PCDH15: variants seen among roughly 807,000 people sequenced by gnomAD.
PCDH15 encodes the protein protocadherin related 15, also known as protocadherin-15.
A neutral mutation model predicts 178.5 loss-of-function variants in PCDH15; 129 were observed. The ratio of observed to expected loss-of-function variants is 0.72; its 90% confidence interval spans 0.63 to 0.84. The LOEUF (loss-of-function observed/expected upper bound fraction) is 0.84. Ranked by LOEUF, PCDH15 falls within the 40% of genes least tolerant of loss-of-function variation. PCDH15 has a pLI of 0.00. For synonymous variants in PCDH15, 800 were observed against 732.0 expected (o/e 1.09, Z -1.50); for missense variants, 2,230 against 2,099.9 (o/e 1.06, Z -1.21).
At chr10:54,910,056 G>T (rs2131833603) in intron 2 of PCDH15, among the ~76,000 whole-genome samples, 1 of 152,286 alleles carries the variant, frequency 6.6e-6, no homozygotes, top group Middle Eastern at 3.4e-3. Context: ...AGGCCTGGGA[G>T]AAGTCCTGCC....
chr10:54,165,284 C>A (rs1295662490), intron 13 of PCDH15, among the ~76,000 whole-genome samples: 5 of 151,880 alleles, frequency 3.3e-5, no homozygotes, highest in Admixed American at 2.6e-4. Context: ...AGGTGGCTGG[C>A]AAATTTATCA....
intron 35 of PCDH15, among the ~76,000 whole-genome samples, chr10:53,814,781 T>G (rs1398347391): frequency 1.3e-5 from 2 of 151,890 alleles, no homozygotes; most frequent in African/African-American, 4.8e-5. Context: ...CTGGCCAATA[T>G]GGTGAAACCC....
chr10:54,601,263 T>C (rs1476507937), intron 2 of PCDH15, among the ~76,000 whole-genome samples: 1 of 151,876 alleles, frequency 6.6e-6, no homozygotes, highest in Non-Finnish European at 1.5e-5. Flanking sequence ...ATGGGAGAAA[T>C]TATTTGCAGA....
intron 2 of PCDH15, among the ~76,000 whole-genome samples, chr10:55,375,669 C>T (rs1394228419): frequency 2.0e-5 from 3 of 152,118 alleles, no homozygotes; most frequent in East Asian, 1.9e-4. Flanking sequence ...ACTGGTTTCC[C>T]CTCCACAGCC....
chr10:54,149,658 G>C (rs764861298), intron 14 of PCDH15, among the ~76,000 whole-genome samples: 83 of 152,256 alleles, frequency 5.5e-4, no homozygotes, highest in Non-Finnish European at 8.4e-4. Flanking sequence ...TTAATGATTT[G>C]CCTTTTACTC....
intron 3 of PCDH15, among the ~76,000 whole-genome samples, chr10:54,834,179 T>C (rs1953273533): frequency 6.6e-6 from 1 of 151,830 alleles, no homozygotes; most frequent in East Asian, 1.9e-4. Context: ...ATATATCTAA[T>C]ATTGTTTTTA....
intron 3 of PCDH15, among the ~76,000 whole-genome samples, chr10:54,860,681 G>T (rs1050549857): frequency 6.6e-6 from 1 of 152,134 alleles, no homozygotes; most frequent in South Asian, 2.1e-4. Context: ...TGGAATGTCT[G>T]GGTCATGTGG....
At chr10:55,540,319 T>C (rs1841729121) in intron 2 of PCDH15, among the ~76,000 whole-genome samples, 1 of 152,074 alleles carries the variant, frequency 6.6e-6, no homozygotes. Flanking sequence ...AGATTGGATT[T>C]TCCACCCCAT....
intron 1 of PCDH15, among the ~76,000 whole-genome samples, chr10:54,731,561 T>TATATATATATATATATATATATAC (rs1566067493): frequency 1.2e-4 from 6 of 48,354 alleles, no homozygotes; most frequent in Middle Eastern, 8.6e-3. Context: ...TATATATATA[T>TATATATATATATATATATATATAC]ATACACACAC....
chr10:55,431,674 A>G (rs1002419037), intron 2 of PCDH15, among the ~76,000 whole-genome samples: 5 of 152,178 alleles, frequency 3.3e-5, no homozygotes, highest in African/African-American at 9.6e-5. Context: ...TGTCCCACTA[A>G]CTAAAACACA....
rs190560526 is a variant in PCDH15 at position 53,838,340 on chromosome 10, T to G, written c.3983+1980A>C. ...TTGCCTGCTGGCTATGATAGTTATT[T>G]TATTGAATTTAGATGTTTACTGTCC... On this transcript the variant is annotated intron_variant, in intron 29 of 37. Transcript: ENST00000644397. Among the ~76,000 whole-genome samples the G allele has an allele frequency of 1.4e-4, 21 of 152,262 alleles. No homozygotes were observed. In the East Asian group the frequency reaches 3.5e-3, roughly 25 times the overall value.
intron 2 of PCDH15, among the ~76,000 whole-genome samples, chr10:55,120,444 G>A (rs1236955598): frequency 2.6e-5 from 4 of 152,094 alleles, no homozygotes; most frequent in African/African-American, 9.7e-5. Flanking sequence ...GGGACTAGAC[G>A]TAGTGATCTA....
At chr10:55,151,801 G>A (rs1054991288) in intron 2 of PCDH15, among the ~76,000 whole-genome samples, 1 of 152,034 alleles carries the variant, frequency 6.6e-6, no homozygotes, top group Admixed American at 6.6e-5. Flanking sequence ...TATAAAGAAT[G>A]AAAAGCCATG....
At chr10:54,581,432 T>C (rs1565657155) in intron 2 of PCDH15, among the ~76,000 whole-genome samples, 1 of 152,042 alleles carries the variant, frequency 6.6e-6, no homozygotes, top group Admixed American at 6.6e-5. Context: ...AAATAATAGA[T>C]GACACACACA....
At chr10:54,351,136 G>A (rs1249864573) in intron 5 of PCDH15, among the ~76,000 whole-genome samples, 3 of 151,870 alleles carry the variant, frequency 2.0e-5, no homozygotes, top group Non-Finnish European at 2.9e-5. Context: ...ATAGATAGTA[G>A]GTGGTTATAT....
intron 26 of PCDH15, among the ~76,000 whole-genome samples, chr10:53,874,967 G>C (rs1358700783): frequency 6.6e-6 from 1 of 152,026 alleles, no homozygotes; most frequent in Non-Finnish European, 1.5e-5. Flanking sequence ...CAGCTGACCA[G>C]GGAATTAGTA....
At chr10:55,235,577 C>G (rs955604923) in intron 1 of PCDH15, among the ~76,000 whole-genome samples, 1 of 151,978 alleles carries the variant, frequency 6.6e-6, no homozygotes, top group African/African-American at 2.4e-5. Flanking sequence ...TCACATTGCC[C>G]AAACTTCACA....
chr10:54,328,777 T>C (rs1374819821), intron 7 of PCDH15, among the ~76,000 whole-genome samples: 2 of 145,676 alleles, frequency 1.4e-5, no homozygotes, highest in South Asian at 4.4e-4. Context: ...ATTGGGAAAA[T>C]AACCACATTC....
chr10:54,377,324 T>A, intron 4 of PCDH15, among the ~76,000 whole-genome samples: 1 of 152,142 alleles, frequency 6.6e-6, no homozygotes, highest in Non-Finnish European at 1.5e-5. Context: ...TGATTAGATT[T>A]GGACTAAAAG....
Sources: allele counts gnomAD v4.1 joint callset (sites outside exome capture counted in the v4.1 genomes callset), GRCh38; gene constraint gnomAD v4.1.1; transcripts MANE v1.5; gene names NCBI Gene and HGNC (gene_info 2026-07-23, HGNC 2026-07-21).